Variants in RRAS2 observed in about 807,000 individuals in gnomAD.
RRAS2 encodes the protein ras-related protein R-Ras2.
RRAS2 carries 7 observed loss-of-function variants against 27.6 expected under a neutral mutation model. That is an observed-to-expected ratio of 0.25 (90% CI 0.14 to 0.48). The LOEUF (loss-of-function observed/expected upper bound fraction) is 0.48, where lower values mean the gene tolerates loss of function less well. Ranked by LOEUF, RRAS2 falls within the 20% of genes least tolerant of loss-of-function variation. The pLI, the probability that RRAS2 is intolerant of heterozygous loss-of-function variation, is 0.99. For synonymous variants in RRAS2, 86 were observed against 90.9 expected (o/e 0.95, Z 0.31); for missense variants, 178 against 256.2 (o/e 0.69, Z 2.08).
At chr11:14,295,081 T>C (rs1554946399) in intron 2 of RRAS2, among the ~76,000 whole-genome samples, 2 of 152,224 alleles carry the variant, frequency 1.3e-5, no homozygotes, top group African/African-American at 4.8e-5. Flanking sequence ...GTTGACTTTG[T>C]GGTTAGAATA....
chr11:14,301,356 A>G (rs1393382597), intron 1 of RRAS2, among the ~76,000 whole-genome samples: 1 of 152,190 alleles, frequency 6.6e-6, no homozygotes, highest in Non-Finnish European at 1.5e-5. Context: ...ACTCAAGACT[A>G]CACATCATGT....
At chr11:14,356,902 C>T in intron 1 of RRAS2, 1 of 379,510 alleles carries the variant, frequency 2.6e-6, no homozygotes, top group East Asian at 7.4e-5. Flanking sequence ...ATTCTACTGC[C>T]TCAGCCTCCA....
At chr11:14,346,703 T>C (rs540474910) in intron 1 of RRAS2, among the ~76,000 whole-genome samples, 6 of 152,334 alleles carry the variant, frequency 3.9e-5, no homozygotes, top group Admixed American at 1.3e-4. Flanking sequence ...TATTGTACTC[T>C]TGTAAAAAGC....
At chr11:14,357,396 G>A (rs536176568) in intron 1 of RRAS2, among the ~76,000 whole-genome samples, 1 of 152,104 alleles carries the variant, frequency 6.6e-6, no homozygotes, top group East Asian at 1.9e-4. Context: ...CTGCGCCCTA[G>A]GGAAATAGCA....
chr11:14,338,346 G>C (rs1253371472), intron 1 of RRAS2, among the ~76,000 whole-genome samples: 1 of 152,192 alleles, frequency 6.6e-6, no homozygotes, highest in Non-Finnish European at 1.5e-5. Flanking sequence ...CTTGGGACTA[G>C]AAGTGTTTCA....
At chr11:14,318,224 C>A (rs1310256113) in intron 1 of RRAS2, among the ~76,000 whole-genome samples, 3 of 152,074 alleles carry the variant, frequency 2.0e-5, no homozygotes, top group Non-Finnish European at 4.4e-5. Context: ...TGCAGCCGGG[C>A]GTGGTGGCTC....
intron 1 of RRAS2, among the ~76,000 whole-genome samples, chr11:14,323,089 T>C (rs1421569937): frequency 3.3e-5 from 5 of 152,056 alleles, no homozygotes; most frequent in East Asian, 1.9e-4. Flanking sequence ...CTTTATGCAA[T>C]AAATATGAAG....
At chr11:14,300,450 C>G (rs1554947223) in intron 1 of RRAS2, among the ~76,000 whole-genome samples, 1 of 152,018 alleles carries the variant, frequency 6.6e-6, no homozygotes, top group Non-Finnish European at 1.5e-5. Flanking sequence ...GCCTATAGTC[C>G]CAGCTACTCA....
At chr11:14,298,382 C>T (rs1199628721) in intron 1 of RRAS2, among the ~76,000 whole-genome samples, 2 of 152,074 alleles carry the variant, frequency 1.3e-5, no homozygotes, top group Non-Finnish European at 2.9e-5. Context: ...CAGTTCTTGG[C>T]GTTGTGAGAT....
At chr11:14,302,073 TACACACACACACACAC>T (rs57730782) in intron 1 of RRAS2, among the ~76,000 whole-genome samples, 77 of 142,472 alleles carry the variant, frequency 5.4e-4, no homozygotes, top group African/African-American at 1.9e-3. Flanking sequence ...ACCACACACA[TACACACACACACACAC>T]ACACACACAC....
intron 4 of RRAS2, among the ~76,000 whole-genome samples, chr11:14,291,485 T>C (rs1285254559): frequency 6.6e-6 from 1 of 152,174 alleles, no homozygotes; most frequent in Non-Finnish European, 1.5e-5. Context: ...CACTTGCTTT[T>C]CTCCCTTGGA....
intron 1 of RRAS2, among the ~76,000 whole-genome samples, chr11:14,340,227 G>A (rs879988952): frequency 6.6e-6 from 1 of 151,666 alleles, no homozygotes; most frequent in Non-Finnish European, 1.5e-5. Context: ...CTCCCAAGTA[G>A]CTGGGATTAC....
rs1849133940 is a variant in RRAS2 at position 14,358,592 on chromosome 11, C to T, written c.108+171G>A. On this transcript the variant is annotated intron_variant, in intron 1 of 5. Transcript: ENST00000256196. This position sits in a 1 kb window ranked among gnomAD's most constrained non-coding sequence, Gnocchi z 5.1. ...CCCGGGAGGAGGCAGGAGCGCGACG[C>T]TGCGGCCGCAGGGCAGGAGCGTAGT... 1.0e-6 allele frequency: 1 copy of T among 984,736 alleles called. No individual in the cohort carries two copies. The highest frequency in any genetic ancestry group is 1.2e-6 in the Non-Finnish European group (1 of 829,250). 61.0% of individuals were successfully genotyped at this position (984,736 alleles called of 1,614,324 possible).
rs782306600 is a variant in RRAS2 at position 14,344,983 on chromosome 11, C to CTTTTTTTTTTT, written c.108+13779_108+13780insAAAAAAAAAAA. On this transcript the variant is annotated intron_variant, in intron 1 of 5. Transcript: ENST00000256196. Reference sequence around the variant, plus strand: ...TTTATTTCCTGTGCCCTACTCAAGACTTTATTTTTTTTTTTTTTTTTTTTG... The same window carrying CTTTTTTTTTTT: ...TTTATTTCCTGTGCCCTACTCAAGACTTTTTTTTTTTTTTATTTTTTTTTTTTTTTTTTTTG... 3.8e-5 allele frequency among the ~76,000 whole-genome samples: 3 copies of CTTTTTTTTTTT among 78,982 alleles called. 1 individual carries two copies. The highest frequency in any genetic ancestry group is 7.2e-5 in the Non-Finnish European group (3 of 41,404). 51.8% of individuals were successfully genotyped at this position (78,982 alleles called of 152,430 possible).
intron 1 of RRAS2, among the ~76,000 whole-genome samples, chr11:14,333,259 T>C (rs1314518702): frequency 6.6e-6 from 1 of 152,192 alleles, no homozygotes; most frequent in African/African-American, 2.4e-5. Context: ...ATAAGTCATG[T>C]CATGATAAAT....
At chr11:14,296,018 A>G in intron 1 of RRAS2, 163 bp from the exon 2 acceptor site, 1 of 449,388 alleles carries the variant, frequency 2.2e-6, no homozygotes. Context: ...TTAAAAAAAA[A>G]TTAAAAAATT....
In RRAS2 at chr11:14,295,891, T is replaced by C. The variant is rs782813661; in HGVS notation, c.109-36A>G. The C allele has an allele frequency of 1.1e-5, 18 of 1,583,528 alleles. No homozygotes were observed. The South Asian group carries it at 2.0e-4, about 18-fold the overall frequency. On this transcript the variant is annotated intron_variant, in intron 1 of 5. Coordinates refer to ENST00000256196, the MANE Select transcript of RRAS2 (RefSeq NM_012250.6). ...AGAAAAAACTTTATTTTAAAATTCA[T>C]GGCCAGGCATGGTAGCTCACACCTG...
rs1849445739 is a variant in RRAS2, at chr11:14,278,964, G to A, written c.*373C>T. On this transcript the variant is annotated 3_prime_UTR_variant, in exon 6 of 6. Transcript: ENST00000256196. Reference sequence around the variant, plus strand: ...CCCTATATTTCTATTTAGAGTAACAGTAGGCAGTATGATTCCAAAAGTTAA... The same window carrying A: ...CCCTATATTTCTATTTAGAGTAACAATAGGCAGTATGATTCCAAAAGTTAA... 5.8e-6 allele frequency: 1 copy of A among 172,118 alleles called. No homozygotes were observed. Among genetic ancestry groups the A allele is most frequent in the African/African-American group, 2.4e-5 (1 of 41,764 alleles). The allele number at this position is 172,118 out of a possible 1,614,324, so 10.7% of individuals were successfully genotyped here. A position where few individuals can be genotyped will look rare whatever the true frequency, so the allele number is the denominator to read the frequency against.
At chr11:14,361,366 C>T (rs1849189340), upstream of RRAS2, among the ~76,000 whole-genome samples, 3 of 152,198 alleles carry the variant, frequency 2.0e-5, no homozygotes, top group South Asian at 6.2e-4. Flanking sequence ...ACTTGACCCA[C>T]AAAATCATAA....
Sources: allele counts gnomAD v4.1 joint callset (sites outside exome capture counted in the v4.1 genomes callset), GRCh38; gene constraint gnomAD v4.1.1; non-coding constraint Gnocchi (gnomAD v3.1); transcripts MANE v1.5; gene names NCBI Gene and HGNC (gene_info 2026-07-23, HGNC 2026-07-21).